Variants in EBF1 observed in about 807,000 individuals in gnomAD.
EBF1 encodes the protein transcription factor COE1.
Under a neutral mutation model 68.4 loss-of-function variants are expected in EBF1, and 10 were observed. The observed-to-expected ratio is 0.15, with a 90% confidence interval of 0.09 to 0.25. The LOEUF is 0.25. EBF1 is among the 10% of genes least tolerant of loss of function. The pLI is 1.00. For missense variants in EBF1, 509 were observed against 794.4 expected, an observed-to-expected ratio of 0.64 and a Z score of 4.32; for synonymous variants, 298 against 299.8, an observed-to-expected ratio of 0.99 and a Z score of 0.06.
In EBF1 at chr5:159,064,899, C is replaced by CTTTTTT. The variant is rs57256923; in HGVS notation, c.554+8491_554+8496dup. On this transcript the variant is annotated intron_variant, in intron 6 of 15. Transcript: ENST00000313708. ...GAAAAAGAGACTGCTCTCTTTTCAT[C>CTTTTTT]TTTTTTTTTTTTTTTTTTTTTTTTT... is the stretch of plus-strand genomic sequence containing the variant. Among the ~76,000 whole-genome samples, 59 of 67,904 alleles carry CTTTTTT rather than the reference C, an allele frequency of 8.7e-4. 1 individual carries two copies. The highest frequency in any genetic ancestry group is 9.7e-4 in the African/African-American group (16 of 16,486). 44.5% of individuals were successfully genotyped at this position (67,904 alleles called of 152,430 possible).
At chr5:158,804,512 G>T (rs1002903363) in intron 8 of EBF1, among the ~76,000 whole-genome samples, 1 of 152,110 alleles carries the variant, frequency 6.6e-6, no homozygotes, top group Non-Finnish European at 1.5e-5. Flanking sequence ...GTCTGTCGGA[G>T]ATCTGGAACT....
At chr5:158,816,363 C>T (rs6874117) in intron 8 of EBF1, among the ~76,000 whole-genome samples, 2,296 of 152,364 alleles carry the variant, frequency 0.015, 56 homozygotes, top group African/African-American at 0.051. Flanking sequence ...GACCAGGAAA[C>T]TATGCAAACC....
chr5:158,716,870 T>G (rs1422822235), intron 11 of EBF1, among the ~76,000 whole-genome samples: 3 of 152,144 alleles, frequency 2.0e-5, no homozygotes, highest in Non-Finnish European at 4.4e-5. Flanking sequence ...GCAATAAAGA[T>G]TTTACAGAGC....
At chr5:158,799,032 G>C (rs1403287870) in intron 8 of EBF1, among the ~76,000 whole-genome samples, 1 of 152,132 alleles carries the variant, frequency 6.6e-6, no homozygotes. Context: ...TTGAGGGGAA[G>C]CTCTGTGACA....
intron 5 of EBF1, among the ~76,000 whole-genome samples, chr5:159,075,502 C>T (rs1474056200): frequency 6.6e-6 from 1 of 152,170 alleles, no homozygotes; most frequent in East Asian, 1.9e-4. Context: ...GGAGAAATGT[C>T]CTCCAGGAAC....
intron 6 of EBF1, among the ~76,000 whole-genome samples, chr5:159,028,147 C>A (rs1768063374): frequency 1.3e-5 from 2 of 152,142 alleles, no homozygotes; most frequent in African/African-American, 4.8e-5. Flanking sequence ...GCATCCTCCT[C>A]ATTAACCCTA....
In EBF1 at chr5:158,843,943, G is replaced by A. The variant is rs545715581; in HGVS notation, c.555-3833C>T. 2.6e-5 allele frequency among the ~76,000 whole-genome samples: 4 copies of A among 152,306 alleles called. No individual in the cohort carries two copies. The East Asian group carries it at 7.7e-4, about 29-fold the overall frequency. ...GGAGAAGATCTCAGATTCCGAGGGG[G>A]CTTTTAACAAAGCAGAGGTTATTGT... is the stretch of plus-strand genomic sequence containing the variant. On this transcript the variant is annotated intron_variant, in intron 6 of 15. Transcript: ENST00000313708.
intron 4 of EBF1, among the ~76,000 whole-genome samples, chr5:159,092,926 G>T (rs796914081): frequency 7.2e-5 from 11 of 152,228 alleles, no homozygotes; most frequent in African/African-American, 1.7e-4. Flanking sequence ...TAATCCATCA[G>T]TTTATATCAA....
At chr5:159,097,889 C>T (rs546496600) in intron 1 of EBF1, among the ~76,000 whole-genome samples, 125 of 152,298 alleles carry the variant, frequency 8.2e-4, no homozygotes, top group African/African-American at 2.7e-3. Context: ...GGGCGCCAGG[C>T]GGCCACTGAC....
At chr5:159,087,275 C>CATAT (rs1164683932) in intron 4 of EBF1, among the ~76,000 whole-genome samples, 32 of 144,860 alleles carry the variant, frequency 2.2e-4, no homozygotes, top group African/African-American at 8.1e-4. Flanking sequence ...TATACACACA[C>CATAT]ACATATATAT....
At chr5:158,837,660 G>A (rs553177022) in intron 7 of EBF1, among the ~76,000 whole-genome samples, 47 of 152,248 alleles carry the variant, frequency 3.1e-4, no homozygotes, top group African/African-American at 8.9e-4. Flanking sequence ...TTCTCATCTT[G>A]TATAACAGGT....
chr5:158,750,749 A>T (rs1009092301), intron 10 of EBF1, among the ~76,000 whole-genome samples: 4 of 152,014 alleles, frequency 2.6e-5, no homozygotes, highest in Non-Finnish European at 4.4e-5. Flanking sequence ...AGTTTTTTTT[A>T]AAAATCTACC....
At chr5:159,064,010 C>T (rs1776306887) in intron 6 of EBF1, among the ~76,000 whole-genome samples, 1 of 152,084 alleles carries the variant, frequency 6.6e-6, no homozygotes, top group South Asian at 2.1e-4. Context: ...TGCCATCATA[C>T]TGTGCCTTCT....
At chr5:158,740,042 C>T (rs1352459782) in intron 10 of EBF1, among the ~76,000 whole-genome samples, 1 of 152,280 alleles carries the variant, frequency 6.6e-6, no homozygotes, top group East Asian at 1.9e-4. Context: ...ACGAGCTGAT[C>T]CCTTTTCACT....
At chr5:158,956,076 GTC>G (rs1327720183) in intron 6 of EBF1, among the ~76,000 whole-genome samples, 5 of 131,162 alleles carry the variant, frequency 3.8e-5, no homozygotes, top group South Asian at 2.5e-4. Context: ...GTGTGTGTGT[GTC>G]TTTCAGATTT....
chr5:159,080,492 A>T (rs1222442702), intron 5 of EBF1, among the ~76,000 whole-genome samples: 1 of 152,168 alleles, frequency 6.6e-6, no homozygotes, highest in Non-Finnish European at 1.5e-5. Flanking sequence ...CTTAACTCCC[A>T]CAACTAGAAT....
At chr5:159,003,798 G>A (rs578246285) in intron 6 of EBF1, among the ~76,000 whole-genome samples, 8 of 152,274 alleles carry the variant, frequency 5.3e-5, no homozygotes, top group South Asian at 2.1e-4. Context: ...CACTGCTCCC[G>A]TTCTAAAGAT....
At chr5:158,742,944 C>A (rs992655165) in intron 10 of EBF1, among the ~76,000 whole-genome samples, 2 of 152,146 alleles carry the variant, frequency 1.3e-5, no homozygotes, top group African/African-American at 4.8e-5. Context: ...TGCAGGCTTG[C>A]TGTATACAAG....
chr5:158,972,621 G>A (rs1050528852), intron 6 of EBF1, among the ~76,000 whole-genome samples: 1 of 152,194 alleles, frequency 6.6e-6, no homozygotes, highest in Non-Finnish European at 1.5e-5. Flanking sequence ...TTGGCTTAAC[G>A]CTAATGACTA....
Sources: allele counts gnomAD v4.1 joint callset (sites outside exome capture counted in the v4.1 genomes callset), GRCh38; gene constraint gnomAD v4.1.1; transcripts MANE v1.5; gene names NCBI Gene and HGNC (gene_info 2026-07-23, HGNC 2026-07-21).